Variants in SHANK1 observed in about 807,000 individuals in gnomAD.
The protein encoded by SHANK1 is SH3 and multiple ankyrin repeat domains 1.
In SHANK1, 35 loss-of-function variants were observed where a neutral mutation model predicts 165.6. That is an observed-to-expected ratio of 0.21 (90% CI 0.16 to 0.28). The LOEUF (loss-of-function observed/expected upper bound fraction) is 0.28, where lower values mean the gene tolerates loss of function less well. Among genes scored for constraint, SHANK1 ranks in the 10% least tolerant of loss-of-function variants. SHANK1 has a pLI of 1.00. For synonymous variants in SHANK1, 1,428 were observed against 1,384.8 expected (o/e 1.03, Z -0.69); for missense variants, 2,681 against 3,036.4 (o/e 0.88, Z 2.75).
At position 50,693,156 on chromosome 19, in the gene SHANK1, T is replaced by C. The variant is rs115917016; in HGVS notation, c.1965-3877A>G. Among the ~76,000 whole-genome samples, 475 of 151,468 alleles carry C rather than the reference T, an allele frequency of 3.1e-3. 1 individual carries two copies. The highest frequency in any genetic ancestry group is 0.011 in the African/African-American group (447 of 41,226). ...CCGCCTGCATTTACTGGCAGCTGCGTTTCATTTACATTCCCTGTGTCCTCT... is the reference window on the plus strand; with the variant it reads ...CCGCCTGCATTTACTGGCAGCTGCGCTTCATTTACATTCCCTGTGTCCTCT... On this transcript the variant is annotated intron_variant, in intron 15 of 23. Transcript: ENST00000293441.
In SHANK1 at chr19:50,662,888, T is replaced by A. The variant is rs1985324697; in HGVS notation, c.5769-206A>T. On this transcript the variant is annotated intron_variant, in intron 23 of 23. Transcript: ENST00000293441. This position sits in a 1 kb window ranked among gnomAD's most constrained non-coding sequence, Gnocchi z 7.7. ...GGAAAGAAATGAAGGGAGAGAAAGATGAGAGGACAGGGAGAGGGCGACAGT... is the reference window on the plus strand; with the variant it reads ...GGAAAGAAATGAAGGGAGAGAAAGAAGAGAGGACAGGGAGAGGGCGACAGT... 6.7e-6 allele frequency among the ~76,000 whole-genome samples: 1 copy of A among 148,970 alleles called. No individual in the cohort carries two copies. The highest frequency in any genetic ancestry group is 1.5e-5 in the Non-Finnish European group (1 of 67,144).
At position 50,667,420 on chromosome 19, in the gene SHANK1, C is replaced by A; in HGVS notation, c.4540G>T (p.Asp1514Tyr). Residue 1514 changes from aspartate to tyrosine, a missense_variant, in exon 23 of 24, where the codon GAC becomes TAC. Physicochemically the swap from Asp to Tyr is radical, Grantham distance 160. Coordinates refer to ENST00000293441, the MANE Select transcript of SHANK1 (RefSeq NM_016148.5). This position sits in a 1 kb window ranked among gnomAD's most constrained non-coding sequence, Gnocchi z 5.7. The part of the protein sequence containing the change: ...VTSGRGPPSE[D>Y]GPGVPPPSPR... ...CTGGGCGGCGGGACCCCCGGCCCGT[C>A]CTCCGAGGGGGGACCCCTTCCGCTC... The A allele has an allele frequency of 6.6e-7, 1 of 1,519,638 alleles. No individual in the cohort carries two copies. The highest frequency in any genetic ancestry group is 8.8e-7 in the Non-Finnish European group (1 of 1,140,652). 94.1% of individuals were successfully genotyped at this position (1,519,638 alleles called of 1,614,324 possible).
chr19:50,696,643 C>T (rs1170889646), intron 15 of SHANK1, among the ~76,000 whole-genome samples: 1 of 152,092 alleles, frequency 6.6e-6, no homozygotes, highest in Non-Finnish European at 1.5e-5. Flanking sequence ...CCTCCCCCAA[C>T]ATCCCAGGTC....
chr19:50,679,849 TAGAG>T (rs924889772), intron 21 of SHANK1, among the ~76,000 whole-genome samples: 1 of 133,908 alleles, frequency 7.5e-6, no homozygotes, highest in African/African-American at 2.9e-5. Context: ...GAGACAGAGA[TAGAG>T]AGACAGAGAC....
At chr19:50,680,051 T>G (rs1375591746) in intron 21 of SHANK1, among the ~76,000 whole-genome samples, 21 of 127,152 alleles carry the variant, frequency 1.7e-4, no homozygotes, top group African/African-American at 1.8e-4. Context: ...AGGAGAGAGC[T>G]AGGGAGACAA....
intron 8 of SHANK1, among the ~76,000 whole-genome samples, chr19:50,708,315 C>T (rs2088969395): frequency 6.6e-6 from 1 of 152,182 alleles, no homozygotes; most frequent in Admixed American, 6.5e-5. Context: ...CTAAGGTCAC[C>T]TGCTCCTCAT....
chr19:50,711,922 C>T (rs1416497765), intron 7 of SHANK1, 25 bp downstream of exon 7: 2 of 1,613,698 alleles, frequency 1.2e-6, no homozygotes, highest in South Asian at 1.1e-5. Flanking sequence ...CCACCCCAGC[C>T]CTTCATGGCC....
At chr19:50,665,893 T>C (rs1304554956) in intron 23 of SHANK1, among the ~76,000 whole-genome samples, 5 of 113,162 alleles carry the variant, frequency 4.4e-5, no homozygotes, top group Admixed American at 7.9e-5. Flanking sequence ...ATTAGCTGGG[T>C]GTGGTGGCAT....
chr19:50,666,060 G>T, intron 23 of SHANK1, 132 bp downstream of exon 23: 4 of 750,550 alleles, frequency 5.3e-6, no homozygotes, highest in Non-Finnish European at 6.1e-6. Flanking sequence ...ATTTGTGAAA[G>T]CATGCTTCTG....
Position 50,686,475 on chromosome 19 carries a change from G to C in SHANK1, c.2459-120C>G, listed in dbSNP as rs948273285. The C allele has an allele frequency of 1.2e-6, 1 of 805,846 alleles. No homozygotes were observed. The highest frequency in any genetic ancestry group is 1.7e-5 in the African/African-American group (1 of 58,018). The allele number at this position is 805,846 out of a possible 1,614,324, so 49.9% of individuals were successfully genotyped here. ...TCCAGCACCTGGATCAACCAGGAAA[G>C]GGCAGCCCTGCCTGGGTCCGGGTGG... On this transcript the variant is annotated intron_variant, in intron 20 of 23. Coordinates refer to ENST00000293441, the MANE Select transcript of SHANK1 (RefSeq NM_016148.5). This position sits in a 1 kb window ranked among gnomAD's most constrained non-coding sequence, Gnocchi z 5.7.
rs1320959350 is a variant in SHANK1, at chr19:50,702,277, C to G, written c.1747+190G>C. On this transcript the variant is annotated intron_variant, in intron 12 of 23. Transcript: ENST00000293441. The surrounding 1 kb of genome is among the most constrained non-coding windows in gnomAD (Gnocchi z 5.3). ...AGTGGGACACGGCTCACTTCACTGC[C>G]TCCTGACAGGGTCATCTGAGCTACA... Among the ~76,000 whole-genome samples, 1 of 152,136 alleles carries G rather than the reference C, an allele frequency of 6.6e-6. No individual in the cohort carries two copies. The highest frequency in any genetic ancestry group is 1.5e-5 in the Non-Finnish European group (1 of 68,018).
In SHANK1 at chr19:50,703,627, C is replaced by T. The variant is rs1057455102; in HGVS notation, c.1426G>A (p.Ala476Thr). The T allele has an allele frequency of 1.3e-6, 2 of 1,548,566 alleles. No homozygotes were observed. The highest frequency in any genetic ancestry group is 8.7e-7 in the Non-Finnish European group (1 of 1,149,026). ...SGSQGQSQPS[A>T]PTTKLSSGTL... The stretch of plus-strand genomic sequence containing the variant: ...CCGCTGCTGAGCTTGGTGGTGGGGG[C>T]CGAGGGCTGCGACTGGCCCTGGGAC... The change falls in exon 11 of 24, where the codon GCC (alanine) becomes ACC (threonine). Residue 476 changes from alanine (A) to threonine (T), a missense_variant. Coordinates refer to ENST00000293441, the MANE Select transcript of SHANK1 (RefSeq NM_016148.5).
chr19:50,700,116 T>C (rs1986868271), intron 12 of SHANK1, among the ~76,000 whole-genome samples: 1 of 128,986 alleles, frequency 7.8e-6, no homozygotes, highest in African/African-American at 3.1e-5. Flanking sequence ...ATTGGAGGGC[T>C]CGGGGCATTG....
At position 50,713,300 on chromosome 19, in the gene SHANK1, G is replaced by T. The variant is rs1258540467; in HGVS notation, c.792+498C>A. On this transcript the variant is annotated intron_variant, in intron 6 of 23. Transcript: ENST00000293441. The surrounding 1 kb of genome is among the most constrained non-coding windows in gnomAD (Gnocchi z 6.2). ...TGGGTGTATGGGTTTGTCTATTTGG[G>T]AAAGTGCATTTGAGGCTGTGTACGT... 6.6e-6 allele frequency among the ~76,000 whole-genome samples: 1 copy of T among 152,048 alleles called. No individual in the cohort carries two copies. The highest frequency in any genetic ancestry group is 1.5e-5 in the Non-Finnish European group (1 of 68,008).
In SHANK1 at chr19:50,662,410, G is replaced by A. The variant is rs533348368; in HGVS notation, c.6041C>T (p.Ala2014Val). The A allele has an allele frequency of 1.7e-5, 26 of 1,564,566 alleles. No individual in the cohort carries two copies. Among genetic ancestry groups the A allele is most frequent in the African/African-American group, 1.4e-4 (10 of 74,014 alleles). Residue 2014 changes from alanine (A) to valine (V), a missense_variant, in exon 24 of 24, where the codon GCG becomes GTG. Around this residue, in one of 10 missense-constraint regions of SHANK1, gnomAD observed 1,713 missense variants for 1,630.2 expected, o/e 1.05. Transcript: ENST00000293441. This position sits in a 1 kb window ranked among gnomAD's most constrained non-coding sequence, Gnocchi z 7.7. Reference sequence around the variant, plus strand: ...GATGGGCAGGGACGAGGGCCTGGGCGCAGGGCTGACCTTGTGCTCCGAGGC... The same window carrying A: ...GATGGGCAGGGACGAGGGCCTGGGCACAGGGCTGACCTTGTGCTCCGAGGC... ...LPASEHKVSP[A>V]PRPSSLPILP... is the part of the protein sequence containing the mutation.
At chr19:50,712,495 G>C (rs1337809458) in intron 6 of SHANK1, among the ~76,000 whole-genome samples, 1 of 152,206 alleles carries the variant, frequency 6.6e-6, no homozygotes, top group African/African-American at 2.4e-5. Flanking sequence ...CTGGATGCTG[G>C]AGGGTCTCTG....
intron 22 of SHANK1, among the ~76,000 whole-genome samples, chr19:50,671,582 A>G (rs371090288): frequency 6.6e-6 from 1 of 151,676 alleles, no homozygotes; most frequent in African/African-American, 2.4e-5. Flanking sequence ...TTCCCCTGCT[A>G]TAAGGCAAGC....
Position 50,660,773 on chromosome 19 carries a change from G to T in SHANK1, c.*1192C>A, listed in dbSNP as rs1394167675. Among the ~76,000 whole-genome samples, 1 of 143,082 alleles carries T rather than the reference G, an allele frequency of 7.0e-6. No individual in the cohort carries two copies. The highest frequency in any genetic ancestry group is 2.0e-4 in the East Asian group (1 of 5,024). The allele number at this position is 143,082 out of a possible 152,430, so 93.9% of individuals were successfully genotyped here. ...CAAGTGTGCAAGAGGGTTCACAAAAGAATCAAAAATGCAGAAGGGCAAAGA... is the reference window on the plus strand; with the variant it reads ...CAAGTGTGCAAGAGGGTTCACAAAATAATCAAAAATGCAGAAGGGCAAAGA... On this transcript the variant is annotated 3_prime_UTR_variant, in exon 24 of 24. Coordinates refer to ENST00000293441, the MANE Select transcript of SHANK1 (RefSeq NM_016148.5).
intron 8 of SHANK1, among the ~76,000 whole-genome samples, chr19:50,707,961 CTT>C (rs1202808302): frequency 9.7e-6 from 1 of 102,872 alleles, no homozygotes; most frequent in Non-Finnish European, 1.9e-5. Context: ...CTTTTCTTTT[CTT>C]TTGAGATGGA....
Sources: gnomAD v4.1 joint callset for allele counts (sites outside exome capture counted in the v4.1 genomes callset) on GRCh38, gnomAD v4.1.1 for gene constraint, gnomAD v4.1.1 regional missense constraint, Gnocchi (gnomAD v3.1) non-coding constraint, MANE v1.5 for transcripts, NCBI Gene and HGNC (gene_info 2026-07-23, HGNC 2026-07-21) for gene names.